GHR: variants seen among roughly 807,000 people sequenced by gnomAD.
GHR encodes the protein GH receptor.
GHR carries 35 observed loss-of-function variants against 67.1 expected under a neutral mutation model. That is an observed-to-expected ratio of 0.52 (90% confidence interval 0.40 to 0.69). The LOEUF is 0.69. GHR is among the 30% of genes least tolerant of loss of function. The pLI, the probability that GHR is intolerant of heterozygous loss-of-function variation, is 0.00. For synonymous variants in GHR, 272 were observed against 269.1 expected (o/e 1.01, Z -0.10); for missense variants, 792 against 764.6 (o/e 1.04, Z -0.42).
At chr5:42,600,788 C>CT (rs1752333549) in intron 2 of GHR, among the ~76,000 whole-genome samples, 2 of 152,162 alleles carry the variant, frequency 1.3e-5, no homozygotes, top group Non-Finnish European at 2.9e-5. Context: ...TAATGTCATG[C>CT]TACGCTCTAG....
chr5:42,607,932 A>G (rs1752704205), intron 2 of GHR, among the ~76,000 whole-genome samples: 1 of 152,234 alleles, frequency 6.6e-6, no homozygotes. Flanking sequence ...TGAAGGAAGC[A>G]AATACCTTTA....
At chr5:42,504,045 T>A (rs1050989223) in intron 1 of GHR, among the ~76,000 whole-genome samples, 1 of 152,042 alleles carries the variant, frequency 6.6e-6, no homozygotes, top group African/African-American at 2.4e-5. Context: ...TTTCTTACAT[T>A]TTTTTTAAAG....
Position 42,576,138 on chromosome 5 carries a change from T to TA in GHR, c.70+10198dup, listed in dbSNP as rs1385900215. Among the ~76,000 whole-genome samples the TA allele has an allele frequency of 1.9e-3, 172 of 92,872 alleles. 3 individuals are homozygous for TA. The highest frequency in any genetic ancestry group is 7.6e-3 in the African/African-American group (163 of 21,554). The allele number at this position is 92,872 out of a possible 152,430, so 60.9% of individuals were successfully genotyped here. A position where few individuals can be genotyped will look rare whatever the true frequency, so the allele number is the denominator to read the frequency against. ...TAAAATAAAATAAAATAAAATAAAATAAAATAGTAAAGTAAAATAAAATAA... is the reference window on the plus strand; with the variant it reads ...TAAAATAAAATAAAATAAAATAAAATAAAAATAGTAAAGTAAAATAAAATAA... On this transcript the variant is annotated intron_variant, in intron 2 of 9. Transcript: ENST00000230882.
chr5:42,579,134 GATAGATGATAGATAGAT>G (rs1750980575), intron 2 of GHR, among the ~76,000 whole-genome samples: 31 of 58,602 alleles, frequency 5.3e-4, no homozygotes, highest in African/African-American at 1.7e-3. Context: ...TAGATAGATA[GATAGATGATAGATAGAT>G]ATAGATAGAT....
At chr5:42,456,486 A>G (rs1431151058) in intron 1 of GHR, among the ~76,000 whole-genome samples, 1 of 152,162 alleles carries the variant, frequency 6.6e-6, no homozygotes, top group Non-Finnish European at 1.5e-5. Flanking sequence ...AGGCATGGGT[A>G]TAGTGCTTAA....
intron 1 of GHR, among the ~76,000 whole-genome samples, chr5:42,535,260 T>G (rs1748204990): frequency 1.3e-5 from 2 of 152,068 alleles, no homozygotes; most frequent in South Asian, 4.1e-4. Flanking sequence ...GTTTTTCCAA[T>G]GTTATCTTCT....
intron 1 of GHR, among the ~76,000 whole-genome samples, chr5:42,499,372 G>A (rs1022712596): frequency 1.3e-5 from 2 of 152,190 alleles, no homozygotes; most frequent in African/African-American, 4.8e-5. Flanking sequence ...ATTCCCTGTG[G>A]CTCTTCATTG....
chr5:42,478,223 G>A (rs559361402), intron 1 of GHR, among the ~76,000 whole-genome samples: 74 of 152,236 alleles, frequency 4.9e-4, no homozygotes, highest in Middle Eastern at 6.8e-3. Flanking sequence ...TGAGGGCTCC[G>A]TTCGGTTCCA....
intron 1 of GHR, among the ~76,000 whole-genome samples, chr5:42,542,881 T>G (rs1313491339): frequency 1.3e-5 from 2 of 152,118 alleles, no homozygotes. Flanking sequence ...AAGAACTTCA[T>G]GGTATTTGGT....
In GHR at chr5:42,424,729, G is replaced by A; in HGVS notation, c.-12+774G>A. Reference sequence around the variant, plus strand: ...TCAATGGGGTGGCCGCGTGTCTAGGGAGAGGGCGCTGGCGGCGCAGAGGGT... The same window carrying A: ...TCAATGGGGTGGCCGCGTGTCTAGGAAGAGGGCGCTGGCGGCGCAGAGGGT... On this transcript the variant is annotated intron_variant, in intron 1 of 9. Coordinates refer to ENST00000230882, the MANE Select transcript of GHR (RefSeq NM_000163.5). This position sits in a 1 kb window ranked among gnomAD's most constrained non-coding sequence, Gnocchi z 4.1. 2 of 976,926 alleles carry A rather than the reference G, an allele frequency of 2.0e-6. No individual in the cohort carries two copies. The highest frequency in any genetic ancestry group is 3.1e-6 in the Non-Finnish European group (2 of 636,514). 60.5% of individuals were successfully genotyped at this position (976,926 alleles called of 1,614,324 possible).
At chr5:42,437,463 T>C (rs1480038874) in intron 1 of GHR, among the ~76,000 whole-genome samples, 5 of 152,178 alleles carry the variant, frequency 3.3e-5, no homozygotes, top group African/African-American at 1.2e-4. Flanking sequence ...TGTGCTTTCA[T>C]GTTTTACACA....
intron 1 of GHR, among the ~76,000 whole-genome samples, chr5:42,488,287 C>T (rs1174104155): frequency 6.6e-6 from 1 of 151,842 alleles, no homozygotes; most frequent in African/African-American, 2.4e-5. Context: ...ATTTTCATTC[C>T]CCTTTTATAG....
chr5:42,666,892 A>T (rs572990705), intron 3 of GHR, among the ~76,000 whole-genome samples: 1 of 152,338 alleles, frequency 6.6e-6, no homozygotes, highest in East Asian at 1.9e-4. Flanking sequence ...AGGAATAAGG[A>T]AACTTGCCAC....
At chr5:42,701,459 C>T (rs1757925015) in intron 6 of GHR, among the ~76,000 whole-genome samples, 1 of 152,080 alleles carries the variant, frequency 6.6e-6, no homozygotes, top group Non-Finnish European at 1.5e-5. Flanking sequence ...TGAAGAAAAG[C>T]GCTTAAATGA....
At chr5:42,662,332 C>A (rs922638874) in intron 3 of GHR, among the ~76,000 whole-genome samples, 30 of 152,104 alleles carry the variant, frequency 2.0e-4, no homozygotes, top group African/African-American at 7.2e-4. Context: ...ACACCTATTC[C>A]AAAATTGACC....
intron 8 of GHR, among the ~76,000 whole-genome samples, chr5:42,717,397 T>C (rs932013896): frequency 6.6e-6 from 1 of 152,174 alleles, no homozygotes; most frequent in Non-Finnish European, 1.5e-5. Flanking sequence ...GACCAAAAAA[T>C]AATTTAAAGA....
At chr5:42,540,182 A>G (rs960083225) in intron 1 of GHR, among the ~76,000 whole-genome samples, 45 of 78,446 alleles carry the variant, frequency 5.7e-4, no homozygotes, top group African/African-American at 2.2e-3. Context: ...GTGTTACTGT[A>G]TTCTCTCTCT....
At chr5:42,548,010 G>C (rs1159123922) in intron 1 of GHR, 2 of 803,398 alleles carry the variant, frequency 2.5e-6, no homozygotes, top group Non-Finnish European at 1.5e-6. Flanking sequence ...TACCCATCCA[G>C]ATCAGAGCCT....
chr5:42,544,702 G>A (rs564708818), intron 1 of GHR, among the ~76,000 whole-genome samples: 2 of 152,192 alleles, frequency 1.3e-5, no homozygotes, highest in South Asian at 4.2e-4. Flanking sequence ...TAACCCAACA[G>A]ACACACCCAT....
Sources: gnomAD v4.1 joint callset for allele counts (sites outside exome capture counted in the v4.1 genomes callset) on GRCh38, gnomAD v4.1.1 for gene constraint, Gnocchi (gnomAD v3.1) non-coding constraint, MANE v1.5 for transcripts, NCBI Gene and HGNC (gene_info 2026-07-23, HGNC 2026-07-21) for gene names.